The following ADGRG3 variants were observed in gnomAD, a reference collection of about 807,000 sequenced individuals.
ADGRG3 encodes the protein G protein-coupled receptor 97.
Under a neutral mutation model 54.3 loss-of-function variants are expected in ADGRG3, and 39 were observed. That is an observed-to-expected ratio of 0.72 (90% CI 0.56 to 0.94). ADGRG3 has a LOEUF of 0.94. Among genes scored for constraint, ADGRG3 ranks in the 40% least tolerant of loss-of-function variants. The pLI is 0.00. For missense variants in ADGRG3, 654 were observed against 694.6 expected (o/e 0.94, Z 0.66); for synonymous variants, 312 against 290.0 (o/e 1.08, Z -0.77).
chr16:57,682,424 C>A (rs557404893), intron 8 of ADGRG3: 2 of 945,412 alleles, frequency 2.1e-6, no homozygotes, highest in African/African-American at 1.8e-5. Flanking sequence ...ACTAGGCCCA[C>A]CCAATCCATC....
chr16:57,668,443 G>T, intron 1 of ADGRG3, 38 bp downstream of exon 1: 1 of 1,526,070 alleles, frequency 6.6e-7, no homozygotes, highest in East Asian at 2.4e-5. Context: ...TGCCACGCTG[G>T]GCCGACCCTG....
chr16:57,673,538 G>A, intron 2 of ADGRG3, 70 bp downstream of exon 2: 1 of 1,433,494 alleles, frequency 7.0e-7, no homozygotes, highest in South Asian at 1.3e-5. Flanking sequence ...GAAGGGATGG[G>A]GCCATCTTCC....
intron 1 of ADGRG3, among the ~76,000 whole-genome samples, chr16:57,672,468 G>C (rs534845733): frequency 6.6e-6 from 1 of 152,272 alleles, no homozygotes; most frequent in Non-Finnish European, 1.5e-5. Flanking sequence ...CGTTAAAGAT[G>C]GTAAACTCTT....
At position 57,676,331 on chromosome 16, in the gene ADGRG3, C is replaced by T; in HGVS notation, c.338C>T (p.Pro113Leu). 3 of 1,614,018 alleles carry T rather than the reference C, an allele frequency of 1.9e-6. No homozygotes were observed. Among genetic ancestry groups the T allele is most frequent in the Non-Finnish European group, 2.5e-6 (3 of 1,179,886 alleles). ...TAEDFYFSLE[P>L]SQVPRQVMKD... ...GAAGACTTCTATTTCTCTCTGGAGC[C>T]CTCTCAGGTGAAGAGCTCCCCAGCC... Residue 113 changes from proline (P) to leucine (L), a missense_variant, in exon 3 of 12, where the codon CCC becomes CTC. Physicochemically the swap from Pro to Leu is moderately conservative, Grantham distance 98 (BLOSUM62 -3). Coordinates refer to ENST00000333493, the MANE Select transcript of ADGRG3 (RefSeq NM_170776.5).
intron 3 of ADGRG3, among the ~76,000 whole-genome samples, chr16:57,676,780 G>A (rs914412196): frequency 7.9e-5 from 12 of 152,204 alleles, no homozygotes; most frequent in African/African-American, 2.9e-4. Flanking sequence ...TAGGAGGATG[G>A]CTTGAGGCCA....
chr16:57,678,944 G>T (rs2048313442), intron 4 of ADGRG3: 1 of 575,188 alleles, frequency 1.7e-6, no homozygotes, highest in Non-Finnish European at 3.1e-6. Flanking sequence ...GCAATGGAGA[G>T]CTGTCAGGTG....
chr16:57,688,548 T>C lies in ADGRG3; in HGVS notation c.*87T>C. On this transcript the variant is annotated 3_prime_UTR_variant, in exon 12 of 12. Coordinates refer to ENST00000333493, the MANE Select transcript of ADGRG3 (RefSeq NM_170776.5). The stretch of plus-strand genomic sequence containing the variant: ...GTGCCTCTCTCTGTACTCCCTCAGT[T>C]TCCTTCTCTGTACAATGTGGCTGGG... 1 of 834,352 alleles carries C rather than the reference T, an allele frequency of 1.2e-6. No homozygotes were observed. Among genetic ancestry groups the C allele is most frequent in the Non-Finnish European group, 2.1e-6 (1 of 474,474 alleles). The allele number at this position is 834,352 out of a possible 1,614,324, so 51.7% of individuals were successfully genotyped here.
chr16:57,681,641 G>A lies in ADGRG3; in HGVS notation c.881+1024G>A, dbSNP rs142707854. ...CTCAGGAGGTTGAGGCAGGAGAATC[G>A]CTTGAACCAAGGAGGCGGAGGTTGC... On this transcript the variant is annotated intron_variant, in intron 8 of 11. Transcript: ENST00000333493. 2.8e-3 allele frequency among the ~76,000 whole-genome samples: 422 copies of A among 148,704 alleles called. 9 individuals are homozygous for A. The South Asian group carries it at 0.05, about 18-fold the overall frequency.
Position 57,680,515 on chromosome 16 carries a change from T to C in ADGRG3, c.779T>C (p.Leu260Ser), listed in dbSNP as rs770680683. ...TGGGGTCACCCACAGAGACCCACCT[T>C]GGACCAGTCCACGGTGCATATCCTC... is the stretch of plus-strand genomic sequence containing the variant. Reference protein sequence around the residue: ...TFFALLLRPTLDQSTVHILTR... With the variant: ...TFFALLLRPTSDQSTVHILTR... The change falls in exon 8 of 12, where the codon TTG becomes TCG. Residue 260 changes from leucine to serine, a missense_variant. Physicochemically the swap from Leu to Ser is moderately radical, Grantham distance 145. Transcript: ENST00000333493. 1 of 1,613,716 alleles carries C rather than the reference T, an allele frequency of 6.2e-7. No individual in the cohort carries two copies. Among genetic ancestry groups the C allele is most frequent in the South Asian group, 1.1e-5 (1 of 91,064 alleles).
At chr16:57,673,523 A>G (rs72793599) in intron 2 of ADGRG3, 55 bp downstream of exon 2, 188,472 of 1,529,514 alleles carry the variant, frequency 0.12, 12,114 homozygotes, top group Non-Finnish European at 0.13. Context: ...GAGGAGGACT[A>G]TCAGGAAGGG....
At position 57,680,486 on chromosome 16, in the gene ADGRG3, G is replaced by C. The variant is rs753514318; in HGVS notation, c.769-19G>C. 1 of 1,600,960 alleles carries C rather than the reference G, an allele frequency of 6.2e-7. No homozygotes were observed. Among genetic ancestry groups the C allele is most frequent in the African/African-American group, 1.3e-5 (1 of 74,768 alleles). On this transcript the variant is annotated intron_variant, in intron 7 of 11. Transcript: ENST00000333493. ...CTGGCCTCCAACTGACGTGGTCCCG[G>C]TTCTGGGGTCACCCACAGAGACCCA...
At chr16:57,668,046 A>G (rs1237494606), upstream of ADGRG3, 1 of 507,716 alleles carries the variant, frequency 2.0e-6, no homozygotes, top group Non-Finnish European at 3.5e-6. Context: ...CCCTGTGGCC[A>G]CCCAGCCCCT....
chr16:57,673,530 AG>A (rs1336645213), intron 2 of ADGRG3, 62 bp downstream of exon 2: 7 of 1,494,292 alleles, frequency 4.7e-6, no homozygotes, highest in African/African-American at 4.2e-5. Context: ...ACTATCAGGA[AG>A]GGATGGGGCC....
chr16:57,670,574 C>T (rs1296855645), intron 1 of ADGRG3, among the ~76,000 whole-genome samples: 1 of 152,112 alleles, frequency 6.6e-6, no homozygotes, highest in Non-Finnish European at 1.5e-5. Flanking sequence ...TCCTCTCCCT[C>T]TTCTCCCCTT....
chr16:57,676,214 A>G lies in ADGRG3; in HGVS notation c.221A>G (p.Tyr74Cys). ...VENLQRYWLN[Y>C]EAHLMKEGLT... ...GCCCTTTGCAGATACTGGCTAAACT[A>G]CGAGGCCCATCTGATGAAGGAAGGT... The change falls in exon 3 of 12, where the codon TAC (tyrosine) becomes TGC (cysteine). Residue 74 changes from tyrosine (Y) to cysteine (C), a missense_variant. Tyr to Cys is a radical substitution (Grantham distance 194, BLOSUM62 -2). Coordinates refer to ENST00000333493, the MANE Select transcript of ADGRG3 (RefSeq NM_170776.5). The G allele has an allele frequency of 1.9e-6, 3 of 1,614,004 alleles. No homozygotes were observed. The highest frequency in any genetic ancestry group is 1.1e-5 in the South Asian group (1 of 91,076).
chr16:57,685,938 G>T lies in ADGRG3; in HGVS notation c.1540+12G>T. ...CAACTCCTTGCAAGGTGAGGCCCCT[G>T]CACCAGGGAGGTGATGGGCTGTGTT... On this transcript the variant is annotated intron_variant, in intron 11 of 11. Coordinates refer to ENST00000333493, the MANE Select transcript of ADGRG3 (RefSeq NM_170776.5). The T allele has an allele frequency of 6.2e-7, 1 of 1,611,964 alleles. No individual in the cohort carries two copies.
At chr16:57,678,545 G>C (rs2048305739) in intron 4 of ADGRG3, 6 of 570,620 alleles carry the variant, frequency 1.1e-5, no homozygotes, top group Non-Finnish European at 1.9e-5. Context: ...CCCCACACAT[G>C]AGTGCCCTTT....
chr16:57,682,878 C>T (rs557400146), intron 8 of ADGRG3, among the ~76,000 whole-genome samples: 1 of 152,350 alleles, frequency 6.6e-6, no homozygotes, highest in Non-Finnish European at 1.5e-5. Context: ...TTCATGCATC[C>T]ACCCATCTGT....
At chr16:57,678,091 T>C in intron 3 of ADGRG3, 79 bp from the exon 4 acceptor site, 1 of 1,564,846 alleles carries the variant, frequency 6.4e-7, no homozygotes, top group Non-Finnish European at 8.7e-7. Flanking sequence ...TGTGCCTGCT[T>C]CCCCTCCCAG....
Sources: allele counts gnomAD v4.1 joint callset (sites outside exome capture counted in the v4.1 genomes callset), GRCh38; gene constraint gnomAD v4.1.1; transcripts MANE v1.5; gene names NCBI Gene and HGNC (gene_info 2026-07-23, HGNC 2026-07-21).